Variants in NAV2 observed in about 807,000 individuals in gnomAD.
The protein encoded by NAV2 is neuron navigator 2, also known as helicase, APC down-regulated 1.
NAV2 carries 54 observed loss-of-function variants against 223.2 expected under a neutral mutation model. The ratio of observed to expected loss-of-function variants is 0.24; its 90% CI spans 0.19 to 0.30. The LOEUF is 0.30. Among genes scored for constraint, NAV2 ranks in the 10% least tolerant of loss-of-function variants. The pLI is 1.00. For synonymous variants in NAV2, 1,279 were observed against 1,239.3 expected (o/e 1.03, Z -0.67); for missense variants, 2,806 against 3,147.5 (o/e 0.89, Z 2.60).
At chr11:19,781,068 C>A (rs1483355354) in intron 1 of NAV2, among the ~76,000 whole-genome samples, 1 of 152,190 alleles carries the variant, frequency 6.6e-6, no homozygotes, top group Non-Finnish European at 1.5e-5. Flanking sequence ...ATTTCATCTT[C>A]TCTACAATCC....
chr11:20,112,423 A>G (rs1253455810), intron 36 of NAV2, among the ~76,000 whole-genome samples: 4 of 152,150 alleles, frequency 2.6e-5, no homozygotes, highest in Non-Finnish European at 5.9e-5. Flanking sequence ...TGACTTAAGC[A>G]GAGGGGGTGA....
intron 1 of NAV2, among the ~76,000 whole-genome samples, chr11:19,631,358 T>C (rs576339147): frequency 3.9e-5 from 6 of 152,272 alleles, no homozygotes; most frequent in African/African-American, 1.4e-4. Flanking sequence ...CATGCGGTGT[T>C]TGGTTTTTTG....
At chr11:19,420,534 G>A (rs1850566339) in intron 1 of NAV2, among the ~76,000 whole-genome samples, 1 of 152,206 alleles carries the variant, frequency 6.6e-6, no homozygotes, top group South Asian at 2.1e-4. Context: ...AAGATAGAAT[G>A]AAGTCTGTTT....
At chr11:20,023,735 TA>T in intron 11 of NAV2, among the ~76,000 whole-genome samples, 1 of 143,470 alleles carries the variant, frequency 7.0e-6, no homozygotes, top group Non-Finnish European at 1.5e-5. Flanking sequence ...TGTGTGTGTG[TA>T]AACTAGGCTC....
At chr11:19,959,872 C>T (rs1485681374) in intron 10 of NAV2, among the ~76,000 whole-genome samples, 1 of 152,132 alleles carries the variant, frequency 6.6e-6, no homozygotes, top group African/African-American at 2.4e-5. Context: ...CTTCTTCCCC[C>T]CCCACCATCT....
chr11:19,444,989 T>C (rs1215439666), intron 1 of NAV2, among the ~76,000 whole-genome samples: 1 of 152,200 alleles, frequency 6.6e-6, no homozygotes, highest in Non-Finnish European at 1.5e-5. Flanking sequence ...CAATAAAAGT[T>C]AACTACCACA....
intron 1 of NAV2, among the ~76,000 whole-genome samples, chr11:19,513,957 G>A (rs1311575684): frequency 6.6e-6 from 1 of 152,182 alleles, no homozygotes; most frequent in African/African-American, 2.4e-5. Context: ...GAGGGAGCAT[G>A]GCGCTGCTCA....
intron 1 of NAV2, among the ~76,000 whole-genome samples, chr11:19,656,228 G>T (rs1376829952): frequency 6.6e-6 from 1 of 152,192 alleles, no homozygotes; most frequent in East Asian, 1.9e-4. Flanking sequence ...CATTACCAGG[G>T]AGAAGAGCTG....
chr11:19,586,256 T>G (rs534337104), intron 1 of NAV2, among the ~76,000 whole-genome samples: 1 of 152,352 alleles, frequency 6.6e-6, no homozygotes, highest in South Asian at 2.1e-4. Context: ...TTTTCTGCAT[T>G]GGTTATTCTA....
intron 1 of NAV2, among the ~76,000 whole-genome samples, chr11:19,743,871 G>A (rs1053128316): frequency 2.0e-5 from 3 of 152,214 alleles, no homozygotes; most frequent in African/African-American, 4.8e-5. Context: ...TGGCATGGAA[G>A]GTTTGGGTCA....
chr11:19,562,574 G>T (rs1341542887), intron 1 of NAV2, among the ~76,000 whole-genome samples: 1 of 152,118 alleles, frequency 6.6e-6, no homozygotes, highest in African/African-American at 2.4e-5. Flanking sequence ...ATTCTAAGAT[G>T]TTTGATTAGG....
At chr11:19,966,898 A>G (rs1036224617) in intron 10 of NAV2, among the ~76,000 whole-genome samples, 1 of 152,170 alleles carries the variant, frequency 6.6e-6, no homozygotes, top group African/African-American at 2.4e-5. Flanking sequence ...CCTGTTGTGT[A>G]TGCTTGGGTA....
At chr11:19,578,357 A>G (rs1489306417) in intron 1 of NAV2, among the ~76,000 whole-genome samples, 1 of 152,250 alleles carries the variant, frequency 6.6e-6, no homozygotes, top group Admixed American at 6.5e-5. Flanking sequence ...GCTCTTGGCC[A>G]CAGTCAGAGG....
chr11:20,063,072 A>G (rs2058810139), intron 20 of NAV2, among the ~76,000 whole-genome samples: 1 of 152,262 alleles, frequency 6.6e-6, no homozygotes, highest in African/African-American at 2.4e-5. Context: ...TAAATGTTAT[A>G]AAGATTACAT....
chr11:19,919,293 C>T lies in NAV2; in HGVS notation c.932-13883C>T, dbSNP rs190303790. Among the ~76,000 whole-genome samples the T allele has an allele frequency of 6.0e-5, 9 of 150,876 alleles. No homozygotes were observed. The Admixed American group carries it at 6.0e-4, about 10-fold the overall frequency. On this transcript the variant is annotated intron_variant, in intron 6 of 37. Coordinates refer to ENST00000349880, the MANE Select transcript of NAV2 (RefSeq NM_145117.5). Reference sequence around the variant, plus strand: ...TGAGCCTGGTTTCCGTGTTCTATCTCGTAGCCATGCACGTGGGTGAGAAGC... The same window carrying T: ...TGAGCCTGGTTTCCGTGTTCTATCTTGTAGCCATGCACGTGGGTGAGAAGC...
At chr11:19,946,251 C>T (rs886973856) in intron 8 of NAV2, 150 bp from the exon 9 acceptor site, 5 of 610,564 alleles carry the variant, frequency 8.2e-6, no homozygotes, top group Admixed American at 3.9e-5. Context: ...TCCATTCAAT[C>T]ATTCATTCAT....
chr11:19,959,865 CT>C (rs937814382), intron 10 of NAV2, among the ~76,000 whole-genome samples: 2 of 152,188 alleles, frequency 1.3e-5, no homozygotes, highest in African/African-American at 4.8e-5. Flanking sequence ...GGTGCTCCTT[CT>C]TCCCCCCCCA....
At chr11:20,093,596 G>C (rs1223774222) in intron 29 of NAV2, among the ~76,000 whole-genome samples, 1 of 152,182 alleles carries the variant, frequency 6.6e-6, no homozygotes, top group Non-Finnish European at 1.5e-5. Context: ...AAGAGCACCA[G>C]TTTTATCGGT....
Position 19,880,133 on chromosome 11 carries a change from G to A in NAV2, c.770+6G>A. 1.3e-6 allele frequency: 2 copies of A among 1,566,242 alleles called. No individual in the cohort carries two copies. The highest frequency in any genetic ancestry group is 1.4e-5 in the African/African-American group (1 of 73,638). ...CAAGCTGAAATGCAGTCCAGGTGGG[G>A]GCTCCTTGCCAACTGATGGTTCTGT... On this transcript the variant is annotated splice_donor_region_variant and intron_variant, in intron 5 of 37. Transcript: ENST00000349880.
Sources: gnomAD v4.1 joint callset for allele counts (sites outside exome capture counted in the v4.1 genomes callset) on GRCh38, gnomAD v4.1.1 for gene constraint, MANE v1.5 for transcripts, NCBI Gene and HGNC (gene_info 2026-07-23, HGNC 2026-07-21) for gene names.